ARPC1A: variants seen among roughly 807,000 people sequenced by gnomAD.
The protein encoded by ARPC1A is actin-related protein 2/3 complex subunit 1A.
ARPC1A carries 8 observed loss-of-function variants against 46.9 expected under a neutral mutation model. The ratio of observed to expected loss-of-function variants is 0.17; its 90% CI spans 0.10 to 0.31. The LOEUF (loss-of-function observed/expected upper bound fraction) is 0.31, where lower values mean the gene tolerates loss of function less well. Among genes scored for constraint, ARPC1A ranks in the 10% least tolerant of loss-of-function variants. The pLI is 1.00. For synonymous variants in ARPC1A, 152 were observed against 169.0 expected (o/e 0.90, Z 0.78); for missense variants, 286 against 483.6 (o/e 0.59, Z 3.83).
At chr7:99,345,780 G>C (rs370911004) in intron 4 of ARPC1A, among the ~76,000 whole-genome samples, 47 of 152,284 alleles carry the variant, frequency 3.1e-4, no homozygotes, top group African/African-American at 1.1e-3. Context: ...AAAAATAGCA[G>C]AGTATACATG....
intron 4 of ARPC1A, among the ~76,000 whole-genome samples, chr7:99,346,424 C>A (rs372455894): frequency 3.3e-5 from 5 of 152,264 alleles, no homozygotes; most frequent in African/African-American, 1.2e-4. Context: ...CTACAGGAAA[C>A]TTTTCTTCCA....
At chr7:99,326,335 G>T (rs1240761136) in intron 1 of ARPC1A, among the ~76,000 whole-genome samples, 1 of 152,194 alleles carries the variant, frequency 6.6e-6, no homozygotes, top group Non-Finnish European at 1.5e-5. Flanking sequence ...AGGATCTCCC[G>T]TAATCGAGCG....
chr7:99,354,236 A>C, intron 6 of ARPC1A, 115 bp downstream of exon 6: 3 of 1,244,550 alleles, frequency 2.4e-6, no homozygotes, highest in Non-Finnish European at 2.2e-6. Context: ...TAAAAACCTT[A>C]ATCAGGCCAG....
At chr7:99,338,308 T>A (rs377279008) in intron 3 of ARPC1A, 23 bp downstream of exon 3, 3 of 1,541,018 alleles carry the variant, frequency 1.9e-6, no homozygotes, top group Non-Finnish European at 2.7e-6. Flanking sequence ...AGCCGTGAGC[T>A]TAGTGTGATA....
At chr7:99,345,761 G>T (rs967005249) in intron 4 of ARPC1A, among the ~76,000 whole-genome samples, 1 of 152,116 alleles carries the variant, frequency 6.6e-6, no homozygotes, top group Non-Finnish European at 1.5e-5. Context: ...CAGTGTTTGT[G>T]TTTCTACTAA....
At chr7:99,351,659 A>T (rs1191911536) in intron 5 of ARPC1A, among the ~76,000 whole-genome samples, 2 of 152,172 alleles carry the variant, frequency 1.3e-5, no homozygotes, top group African/African-American at 4.8e-5. Flanking sequence ...CTGTCTCGTC[A>T]TATAACCTCA....
At chr7:99,333,300 T>C in intron 1 of ARPC1A, 25 bp from the exon 2 acceptor site, 1 of 1,467,392 alleles carries the variant, frequency 6.8e-7, no homozygotes. Context: ...TTGTATAAAA[T>C]GCTTTTTGTT....
At chr7:99,359,410 A>G in intron 7 of ARPC1A, 135 bp from the exon 8 acceptor site, 2 of 880,032 alleles carry the variant, frequency 2.3e-6, no homozygotes, top group South Asian at 3.3e-5. Context: ...CACTCTAGCC[A>G]GGGCAACAGA....
At chr7:99,352,364 G>C (rs149268650) in intron 5 of ARPC1A, among the ~76,000 whole-genome samples, 260 of 152,150 alleles carry the variant, frequency 1.7e-3, no homozygotes, top group African/African-American at 6.1e-3. Flanking sequence ...ATAGTATCTA[G>C]AGTATGGATT....
chr7:99,333,319 T>C lies in ARPC1A; in HGVS notation c.-29-6T>C. 6.3e-7 allele frequency: 1 copy of C among 1,580,998 alleles called. No homozygotes were observed. The highest frequency in any genetic ancestry group is 1.1e-5 in the South Asian group (1 of 89,860). On this transcript the variant is annotated splice_polypyrimidine_tract_variant and splice_region_variant and intron_variant, in intron 1 of 9. Coordinates refer to ENST00000262942, the MANE Select transcript of ARPC1A (RefSeq NM_006409.4). The stretch of plus-strand genomic sequence containing the variant: ...ATAAAATGCTTTTTGTTATTGTTCA[T>C]TGCAGCTTTCTCTCCTTTGAAAACA...
At chr7:99,344,571 C>T in intron 4 of ARPC1A, 56 bp downstream of exon 4, 1 of 1,542,548 alleles carries the variant, frequency 6.5e-7, no homozygotes, top group African/African-American at 1.4e-5. Flanking sequence ...ATTTGCACTG[C>T]TGTGTGAGGG....
At chr7:99,346,012 G>T (rs966000776) in intron 4 of ARPC1A, among the ~76,000 whole-genome samples, 2 of 152,162 alleles carry the variant, frequency 1.3e-5, no homozygotes, top group Middle Eastern at 3.4e-3. Flanking sequence ...TCAGGAGTTC[G>T]AGACCAGCCT....
chr7:99,331,804 A>AGCT (rs1793148564), intron 1 of ARPC1A, among the ~76,000 whole-genome samples: 1 of 152,162 alleles, frequency 6.6e-6, no homozygotes, highest in African/African-American at 2.4e-5. Flanking sequence ...TTGTAATCCC[A>AGCT]GCTACTCAGG....
chr7:99,332,939 C>A (rs1793172524), intron 1 of ARPC1A, among the ~76,000 whole-genome samples: 1 of 142,310 alleles, frequency 7.0e-6, no homozygotes, highest in African/African-American at 3.0e-5. Context: ...CTCTGTCGCC[C>A]AGGCTGGAGT....
At chr7:99,356,849 G>A (rs974659990) in intron 6 of ARPC1A, among the ~76,000 whole-genome samples, 2 of 151,824 alleles carry the variant, frequency 1.3e-5, no homozygotes, top group South Asian at 2.1e-4. Flanking sequence ...GCAGTGAGCC[G>A]AGATTGCGCC....
chr7:99,362,210 C>T (rs1332127464), intron 8 of ARPC1A, among the ~76,000 whole-genome samples: 1 of 151,732 alleles, frequency 6.6e-6, no homozygotes, highest in Non-Finnish European at 1.5e-5. Flanking sequence ...AGGAGAATCG[C>T]TTGAACCTGG....
chr7:99,353,118 G>A (rs758587696), intron 5 of ARPC1A, among the ~76,000 whole-genome samples: 3 of 30,344 alleles, frequency 9.9e-5, no homozygotes, highest in Non-Finnish European at 1.6e-4. Context: ...TTTAGTTTAT[G>A]TTATGTTATG....
At chr7:99,342,950 C>A (rs1276578401) in intron 3 of ARPC1A, among the ~76,000 whole-genome samples, 1 of 151,940 alleles carries the variant, frequency 6.6e-6, no homozygotes, top group Non-Finnish European at 1.5e-5. Context: ...TCTCGATCTC[C>A]TAACCTCGTG....
chr7:99,344,190 C>G, intron 3 of ARPC1A, 103 bp from the exon 4 acceptor site: 1 of 1,063,190 alleles, frequency 9.4e-7, no homozygotes, highest in Admixed American at 2.1e-5. Context: ...AGGAAGGTCC[C>G]AAGACCACGT....
Sources: allele counts gnomAD v4.1 joint callset (sites outside exome capture counted in the v4.1 genomes callset), GRCh38; gene constraint gnomAD v4.1.1; transcripts MANE v1.5; gene names NCBI Gene and HGNC (gene_info 2026-07-23, HGNC 2026-07-21).